Variants in UTP11 observed in about 807,000 individuals in gnomAD.
UTP11 encodes UTP11 small subunit processome component.
Under a neutral mutation model 39.0 loss-of-function variants are expected in UTP11, and 29 were observed. That is an observed-to-expected ratio of 0.74 (90% CI 0.55 to 1.01). UTP11 has a LOEUF of 1.01. Ranked by LOEUF, UTP11 falls within the 50% of genes least tolerant of loss-of-function variation. The pLI, the probability that UTP11 is intolerant of heterozygous loss-of-function variation, is 0.00. For missense variants in UTP11, 281 were observed against 306.0 expected, an observed-to-expected ratio of 0.92 and a Z score of 0.61; for synonymous variants, 111 against 105.0, an observed-to-expected ratio of 1.06 and a Z score of -0.35.
Position 38,019,129 on chromosome 1 carries a change from T to A in UTP11, c.413T>A (p.Phe138Tyr). ...FQGKQQNKHV[F>Y]FFDTKKEVEQ... ...GGGAAGCAACAGAACAAGCATGTGTTCTTTTTTGACACCAAAAAGGAAGGT... is the reference window on the plus strand; with the variant it reads ...GGGAAGCAACAGAACAAGCATGTGTACTTTTTTGACACCAAAAAGGAAGGT... The change falls in exon 5 of 8, where the codon TTC becomes TAC. Residue 138 changes from phenylalanine (F) to tyrosine (Y), a missense_variant. By Grantham distance (22) the Phe-to-Tyr change is conservative. Transcript: ENST00000373014. 1 of 1,614,144 alleles carries A rather than the reference T, an allele frequency of 6.2e-7. No individual in the cohort carries two copies. The highest frequency in any genetic ancestry group is 8.5e-7 in the Non-Finnish European group (1 of 1,180,024).
intron 3 of UTP11, 106 bp downstream of exon 3, chr1:38,017,876 C>A: frequency 1.0e-6 from 1 of 978,650 alleles, no homozygotes; most frequent in Non-Finnish European, 1.5e-6. Context: ...TAACCCTTCT[C>A]TGGTTACTCC....
At chr1:38,013,499 G>A (rs1646689693) in intron 1 of UTP11, among the ~76,000 whole-genome samples, 1 of 152,186 alleles carries the variant, frequency 6.6e-6, no homozygotes, top group African/African-American at 2.4e-5. Flanking sequence ...TCTGTGTAGG[G>A]AGGTTGAGTA....
Position 38,022,980 on chromosome 1 carries a change from T to C in UTP11, c.678+171T>C, listed in dbSNP as rs57925146. On this transcript the variant is annotated intron_variant, in intron 7 of 7. Coordinates refer to ENST00000373014, the MANE Select transcript of UTP11 (RefSeq NM_016037.4). ...GTCTGTTACTCTGACAGTGTTGAAA[T>C]GCGCCTTGATTAAGGAGGTAATAAG... Among the ~76,000 whole-genome samples, 234 of 152,258 alleles carry C rather than the reference T, an allele frequency of 1.5e-3. 2 individuals are homozygous for C. Among genetic ancestry groups the C allele is most frequent in the African/African-American group, 5.4e-3 (224 of 41,550 alleles).
chr1:38,015,483 C>G (rs1387993400), intron 1 of UTP11, among the ~76,000 whole-genome samples: 1 of 152,200 alleles, frequency 6.6e-6, no homozygotes, highest in Non-Finnish European at 1.5e-5. Flanking sequence ...ATATCATTCT[C>G]TAAACCTCAT....
chr1:38,022,036 T>G lies in UTP11; in HGVS notation c.568-663T>G, dbSNP rs114541682. ...TCAGGTGAGCTTCTGCTGAAAAAAT[T>G]CTTCTGCTTTCTGAGTGGTAAGATT... On this transcript the variant is annotated intron_variant, in intron 6 of 7. Transcript: ENST00000373014. 8.2e-3 allele frequency among the ~76,000 whole-genome samples: 1,249 copies of G among 152,278 alleles called. 9 individuals are homozygous for G. Among genetic ancestry groups the G allele is most frequent in the Non-Finnish European group, 0.013 (886 of 68,014 alleles).
At chr1:38,019,553 G>T in intron 6 of UTP11, among the ~76,000 whole-genome samples, 170 bp downstream of exon 6, 1 of 151,230 alleles carries the variant, frequency 6.6e-6, no homozygotes, top group Non-Finnish European at 1.5e-5. Flanking sequence ...GCACGATCTC[G>T]GCTCACTGCA....
chr1:38,022,939 A>G, intron 7 of UTP11, 130 bp downstream of exon 7: 1 of 659,426 alleles, frequency 1.5e-6, no homozygotes, highest in Non-Finnish European at 2.6e-6. Flanking sequence ...CCTCAGGGGC[A>G]GTGGTTTGAG....
At chr1:38,016,633 T>C in intron 2 of UTP11, 1 of 534,700 alleles carries the variant, frequency 1.9e-6, no homozygotes, top group Non-Finnish European at 3.4e-6. Flanking sequence ...AGTTGCATTG[T>C]GAATTATTTG....
chr1:38,014,058 C>A (rs902420103), intron 1 of UTP11, among the ~76,000 whole-genome samples: 5 of 152,174 alleles, frequency 3.3e-5, no homozygotes, highest in African/African-American at 1.2e-4. Flanking sequence ...TAGGCACAGC[C>A]CTGCATGTTT....
At chr1:38,018,799 A>AT (rs1240343483) in intron 4 of UTP11, among the ~76,000 whole-genome samples, 1 of 152,200 alleles carries the variant, frequency 6.6e-6, no homozygotes, top group Non-Finnish European at 1.5e-5. Flanking sequence ...TACTAGCCCC[A>AT]TGACAATGGG....
At chr1:38,014,687 G>T (rs368673987) in intron 1 of UTP11, among the ~76,000 whole-genome samples, 2 of 152,302 alleles carry the variant, frequency 1.3e-5, no homozygotes, top group African/African-American at 4.8e-5. Flanking sequence ...GCCAAGGCTG[G>T]AGTGAGTGGG....
At chr1:38,014,752 C>T (rs1476327228) in intron 1 of UTP11, among the ~76,000 whole-genome samples, 1 of 152,278 alleles carries the variant, frequency 6.6e-6, no homozygotes, top group East Asian at 1.9e-4. Flanking sequence ...TCTTTTGCCT[C>T]AGCTTCCTGA....
At chr1:38,016,318 G>A (rs758619620) in intron 1 of UTP11, 41 bp from the exon 2 acceptor site, 12 of 1,602,410 alleles carry the variant, frequency 7.5e-6, no homozygotes, top group Admixed American at 1.7e-5. Flanking sequence ...ATGTGTTTGC[G>A]GAGGAAACTA....
rs1020034960 is a variant in UTP11, at chr1:38,012,747, G to T, written c.-56G>T. ...CCGGTAGGAATCAGTGGACTTGGCG[G>T]CAGAGGCAGTGCGGATCCGGCGTTC... On this transcript the variant is annotated 5_prime_UTR_variant, in exon 1 of 8. Coordinates refer to ENST00000373014, the MANE Select transcript of UTP11 (RefSeq NM_016037.4). The T allele has an allele frequency of 4.3e-6, 7 of 1,609,756 alleles. No individual in the cohort carries two copies. The Admixed American group carries it at 8.3e-5, about 19-fold the overall frequency.
chr1:38,012,954 C>A, intron 1 of UTP11, 89 bp downstream of exon 1: 2 of 1,510,232 alleles, frequency 1.3e-6, no homozygotes, highest in South Asian at 1.1e-5. Flanking sequence ...GATCCGGGTC[C>A]AAACTGTATA....
intron 1 of UTP11, 55 bp downstream of exon 1, chr1:38,012,920 G>T (rs1461819562): frequency 1.2e-6 from 2 of 1,609,742 alleles, no homozygotes; most frequent in African/African-American, 2.7e-5. Flanking sequence ...TGTTACCCTT[G>T]CCCCAACCCT....
intron 6 of UTP11, among the ~76,000 whole-genome samples, chr1:38,021,381 AT>A (rs1646736757): frequency 6.6e-6 from 1 of 152,128 alleles, no homozygotes; most frequent in East Asian, 1.9e-4. Flanking sequence ...TCTAGTAATT[AT>A]GTTTCTTTCT....
chr1:38,020,864 A>G (rs1284624881), intron 6 of UTP11, among the ~76,000 whole-genome samples: 2 of 152,098 alleles, frequency 1.3e-5, no homozygotes, highest in Non-Finnish European at 2.9e-5. Context: ...TAACACTTCC[A>G]GCCAAAGAGC....
At chr1:38,022,572 T>C (rs963050450) in intron 6 of UTP11, 127 bp from the exon 7 acceptor site, 17 of 655,772 alleles carry the variant, frequency 2.6e-5, no homozygotes, top group Non-Finnish European at 4.3e-5. Context: ...TACCACGTTA[T>C]GTTGATTCTG....
Sources: allele counts gnomAD v4.1 joint callset (sites outside exome capture counted in the v4.1 genomes callset), GRCh38; gene constraint gnomAD v4.1.1; transcripts MANE v1.5; gene names NCBI Gene and HGNC (gene_info 2026-07-23, HGNC 2026-07-21).